The following SASH1 variants were observed in gnomAD, a reference collection of about 807,000 sequenced individuals.
The protein encoded by SASH1 is SAM and SH3 domain containing 1, also known as SAM and SH3 domain-containing protein 1.
In SASH1, 44 loss-of-function variants were observed where a neutral mutation model predicts 125.2. That is an observed-to-expected ratio of 0.35 (90% CI 0.28 to 0.45). The LOEUF (loss-of-function observed/expected upper bound fraction) is 0.45, where lower values mean the gene tolerates loss of function less well. SASH1 is among the 20% of genes least tolerant of loss of function. The pLI is 1.00. For synonymous variants in SASH1, 639 were observed against 649.1 expected, an observed-to-expected ratio of 0.98 and a Z score of 0.24; for missense variants, 1,426 against 1,614.5, an observed-to-expected ratio of 0.88 and a Z score of 2.00.
chr6:148,512,910 C>T (rs1583281527), intron 8 of SASH1: 1 of 985,202 alleles, frequency 1.0e-6, no homozygotes, highest in Admixed American at 6.2e-5. Context: ...TGCTGATAGT[C>T]ATACAGGGAG....
chr6:148,429,943 G>A (rs1397807309), intron 2 of SASH1, among the ~76,000 whole-genome samples: 2 of 152,128 alleles, frequency 1.3e-5, no homozygotes, highest in Non-Finnish European at 2.9e-5. Context: ...TTATTGGAAG[G>A]CCATTTACAG....
the SASH1 span, among the ~76,000 whole-genome samples, chr6:148,254,326 A>G: frequency 6.6e-6 from 1 of 152,174 alleles, no homozygotes; most frequent in African/African-American, 2.4e-5. Flanking sequence ...TAACAACTCA[A>G]TAATAAGACA....
upstream of SASH1, among the ~76,000 whole-genome samples, chr6:148,267,365 T>TTGTGTGTGTGTGTG (rs200228547): frequency 0.036 from 4,697 of 129,972 alleles, 242 homozygotes; most frequent in African/African-American, 0.097. Context: ...CAGTACTACT[T>TTGTGTGTGTGTGTG]TGTGTGTGTG....
In SASH1 at chr6:148,511,837, A is replaced by G. The variant is rs1450097256; in HGVS notation, c.730-2487A>G. On this transcript the variant is annotated intron_variant, in intron 8 of 19. Coordinates refer to ENST00000367467, the MANE Select transcript of SASH1 (RefSeq NM_015278.5). ...TTTGTATTAGTTTTTTCTATACCCC[A>G]TTTCTCTTACTGCCCACTGTCCCAT... Among the ~76,000 whole-genome samples, 3 of 151,684 alleles carry G rather than the reference A, an allele frequency of 2.0e-5. No homozygotes were observed. The East Asian group carries it at 5.8e-4, about 29-fold the overall frequency.
At chr6:148,383,620 A>G (rs865903992) in intron 1 of SASH1, among the ~76,000 whole-genome samples, 1 of 152,130 alleles carries the variant, frequency 6.6e-6, no homozygotes, top group South Asian at 2.1e-4. Context: ...ATGTTTTCAG[A>G]TGCTTTTTTT....
At position 148,390,268 on chromosome 6, in the gene SASH1, TG is replaced by T. The variant is rs752061394; in HGVS notation, c.285+11del. On this transcript the variant is annotated splice_region_variant and intron_variant, in intron 2 of 19. Coordinates refer to ENST00000367467, the MANE Select transcript of SASH1 (RefSeq NM_015278.5). ...TTTCCCAGGACCTGGAAGTGGTGAG[TG>T]GGGGTCCTGGGAATATGCTTCTGTG... The T allele has an allele frequency of 9.0e-5, 145 of 1,609,098 alleles. 1 individual carries two copies. In the African/African-American group the frequency reaches 1.9e-3, roughly 21 times the overall value.
chr6:148,386,114 G>A (rs1218622101), intron 1 of SASH1, among the ~76,000 whole-genome samples: 1 of 152,136 alleles, frequency 6.6e-6, no homozygotes, highest in Non-Finnish European at 1.5e-5. Flanking sequence ...CCCAGCTAGT[G>A]TCCACTGCAG....
the SASH1 span, among the ~76,000 whole-genome samples, chr6:148,194,129 T>C: frequency 6.6e-6 from 1 of 152,340 alleles, no homozygotes; most frequent in South Asian, 2.1e-4. Context: ...ACCTGCCATT[T>C]TCCCTTTATG....
intron 1 of SASH1, among the ~76,000 whole-genome samples, chr6:148,307,024 T>C (rs1308165630): frequency 1.7e-5 from 2 of 120,688 alleles, no homozygotes; most frequent in African/African-American, 6.3e-5. Flanking sequence ...TTTCTCTTTC[T>C]TTTCTTTCTT....
rs146859419 is a variant in SASH1, at chr6:148,439,713, G to A, written c.286-471G>A. Among the ~76,000 whole-genome samples, 571 of 151,876 alleles carry A rather than the reference G, an allele frequency of 3.8e-3. 2 individuals are homozygous for A. The highest frequency in any genetic ancestry group is 0.013 in the African/African-American group (546 of 41,432). The stretch of plus-strand genomic sequence containing the variant: ...AATCACTTGAACCTGGAAGGCGGAG[G>A]TTGCAGTGAGCCGAGGTCATGCCAC... On this transcript the variant is annotated intron_variant, in intron 2 of 19. Coordinates refer to ENST00000367467, the MANE Select transcript of SASH1 (RefSeq NM_015278.5).
chr6:148,392,819 CTTCT>C (rs900762477), intron 2 of SASH1, among the ~76,000 whole-genome samples: 3 of 152,162 alleles, frequency 2.0e-5, no homozygotes, highest in Non-Finnish European at 2.9e-5. Context: ...TTGTCAAGGG[CTTCT>C]TTCTTTTAAC....
intron 7 of SASH1, among the ~76,000 whole-genome samples, chr6:148,477,971 A>G (rs1271257307): frequency 6.6e-6 from 1 of 152,120 alleles, no homozygotes; most frequent in Non-Finnish European, 1.5e-5. Flanking sequence ...TGTTGTGATT[A>G]CGGGCATGAG....
chr6:148,367,955 A>G (rs1782538118), intron 1 of SASH1, among the ~76,000 whole-genome samples: 1 of 152,208 alleles, frequency 6.6e-6, no homozygotes. Flanking sequence ...GGAAGAAATA[A>G]TGGAGTGGAG....
At chr6:148,242,054 G>A in the SASH1 span, among the ~76,000 whole-genome samples, 2 of 152,176 alleles carry the variant, frequency 1.3e-5, no homozygotes, top group Non-Finnish European at 1.5e-5. Context: ...AATGATCTTT[G>A]TTAGTTTCTT....
the SASH1 span, among the ~76,000 whole-genome samples, chr6:148,220,993 CCT>C: frequency 4.6e-5 from 7 of 152,146 alleles, no homozygotes; most frequent in Non-Finnish European, 1.0e-4. Flanking sequence ...AAACAAAATC[CCT>C]CTTTTTTCCC....
At chr6:148,327,647 C>G (rs959535356) in intron 1 of SASH1, among the ~76,000 whole-genome samples, 4 of 150,424 alleles carry the variant, frequency 2.7e-5, no homozygotes, top group Admixed American at 6.6e-5. Context: ...ATGTTTAAAG[C>G]ACACAAAAAG....
At chr6:148,449,869 A>G (rs1265492798) in intron 4 of SASH1, among the ~76,000 whole-genome samples, 3 of 152,122 alleles carry the variant, frequency 2.0e-5, no homozygotes, top group African/African-American at 4.8e-5. Flanking sequence ...GAGTAACCTC[A>G]CTTTATAACA....
At chr6:148,315,550 CT>C (rs1780459213) in intron 1 of SASH1, among the ~76,000 whole-genome samples, 1 of 152,150 alleles carries the variant, frequency 6.6e-6, no homozygotes, top group Non-Finnish European at 1.5e-5. Context: ...TAAATTCAAA[CT>C]TTCTTAAATT....
At chr6:148,262,051 C>T in the SASH1 span, among the ~76,000 whole-genome samples, 21 of 152,172 alleles carry the variant, frequency 1.4e-4, no homozygotes, top group South Asian at 4.4e-3. Flanking sequence ...CACTCAGATG[C>T]TCATGAAAAC....
Sources: allele counts gnomAD v4.1 joint callset (sites outside exome capture counted in the v4.1 genomes callset), GRCh38; gene constraint gnomAD v4.1.1; transcripts MANE v1.5; gene names NCBI Gene and HGNC (gene_info 2026-07-23, HGNC 2026-07-21).